Variants in SLC2A9 observed in about 807,000 individuals in gnomAD.
SLC2A9 encodes the protein solute carrier family 2, facilitated glucose transporter member 9.
SLC2A9 carries 39 observed loss-of-function variants against 50.6 expected under a neutral mutation model. That is an observed-to-expected ratio of 0.77 (90% CI 0.60 to 1.01). The LOEUF (loss-of-function observed/expected upper bound fraction) is 1.01, where lower values mean the gene tolerates loss of function less well. Among genes scored for constraint, SLC2A9 ranks in the 50% least tolerant of loss-of-function variants. SLC2A9 has a pLI of 0.00. For missense variants in SLC2A9, 686 were observed against 677.6 expected (o/e 1.01, Z -0.14); for synonymous variants, 324 against 276.9 (o/e 1.17, Z -1.69).
intron 1 of SLC2A9, among the ~76,000 whole-genome samples, chr4:10,032,569 G>T (rs1330873440): frequency 6.6e-6 from 1 of 152,094 alleles, no homozygotes; most frequent in Non-Finnish European, 1.5e-5. Context: ...TGACAAGGTG[G>T]AAGCAGAGAC....
intron 8 of SLC2A9, among the ~76,000 whole-genome samples, chr4:9,900,879 G>C (rs1739474604): frequency 6.6e-6 from 1 of 152,076 alleles, no homozygotes; most frequent in South Asian, 2.1e-4. Flanking sequence ...AACAGCATGA[G>C]GGTAACTGCT....
chr4:9,949,417 G>A (rs1207227369), intron 5 of SLC2A9, among the ~76,000 whole-genome samples: 1 of 152,150 alleles, frequency 6.6e-6, no homozygotes, highest in African/African-American at 2.4e-5. Flanking sequence ...CCTATATGTT[G>A]TCCTATTAGA....
At chr4:10,022,223 T>C (rs959662362), upstream of SLC2A9, among the ~76,000 whole-genome samples, 3 of 152,328 alleles carry the variant, frequency 2.0e-5, no homozygotes, top group East Asian at 1.9e-4. Context: ...AAATGGAATA[T>C]TGACCCCACT....
rs74867314 is a variant in SLC2A9 at position 9,849,715 on chromosome 4, T to C, written c.1292-14707A>G. Among the ~76,000 whole-genome samples the C allele has an allele frequency of 1.8e-4, 28 of 152,242 alleles. No individual in the cohort carries two copies. In the East Asian group the frequency reaches 5.0e-3, roughly 27 times the overall value. On this transcript the variant is annotated intron_variant, in intron 10 of 11. Transcript: ENST00000264784. ...AGCATAATGAGTGTGGACAGTTAATTAGCAGGTAAGAAAACACAATTAAAG... is the reference window on the plus strand; with the variant it reads ...AGCATAATGAGTGTGGACAGTTAATCAGCAGGTAAGAAAACACAATTAAAG...
chr4:9,827,766 C>A (rs1725379892), intron 11 of SLC2A9, among the ~76,000 whole-genome samples: 1 of 152,168 alleles, frequency 6.6e-6, no homozygotes, highest in South Asian at 2.1e-4. Context: ...TGAGACTGTG[C>A]CTTCTGCTCG....
downstream of SLC2A9, among the ~76,000 whole-genome samples, chr4:9,825,798 G>T (rs1433048919): frequency 6.6e-6 from 1 of 152,132 alleles, no homozygotes; most frequent in Non-Finnish European, 1.5e-5. Flanking sequence ...GTTGGTATTA[G>T]GCTCTCCAAA....
rs764744127 is a variant in SLC2A9, at chr4:9,920,475, C to T, written c.912G>A (p.Val304=). The change falls in exon 7 of 12, where the codon GTG becomes GTA. Residue 304 remains valine (V), a synonymous_variant. Transcript: ENST00000264784. ...RVQRSIRLVS[V]LELLRAPYVR... ...CGTAGGGAGCTCTCAGCAGCTCCAG[C>T]ACGGACACCAGGCGGATGCTCCTCT... 6.2e-7 allele frequency: 1 copy of T among 1,614,190 alleles called. No homozygotes were observed. Among genetic ancestry groups the T allele is most frequent in the Non-Finnish European group, 8.5e-7 (1 of 1,180,036 alleles).
intron 3 of SLC2A9, among the ~76,000 whole-genome samples, chr4:9,785,604 C>T (rs1452931645): frequency 6.6e-6 from 1 of 152,164 alleles, no homozygotes; most frequent in Non-Finnish European, 1.5e-5. Flanking sequence ...TAAATGAGTT[C>T]TGTGTTATGG....
chr4:9,878,545 G>A (rs6840999), intron 10 of SLC2A9, among the ~76,000 whole-genome samples: 36,041 of 151,846 alleles, frequency 0.24, 4,675 homozygotes, highest in Admixed American at 0.36. Flanking sequence ...GGGCATGAAA[G>A]CTCCATGCCC....
At chr4:10,026,513 G>A (rs932875858) in intron 1 of SLC2A9, among the ~76,000 whole-genome samples, 2 of 152,052 alleles carry the variant, frequency 1.3e-5, no homozygotes, top group South Asian at 2.1e-4. Context: ...CCACCACATC[G>A]ATGCCCAAGA....
At chr4:9,780,633 T>C (rs1379700120) in intron 3 of SLC2A9, among the ~76,000 whole-genome samples, 5 of 152,222 alleles carry the variant, frequency 3.3e-5, no homozygotes, top group Non-Finnish European at 5.9e-5. Flanking sequence ...GCCGGAGCTA[T>C]GCAGCTGGCT....
rs1000593602 is a variant in SLC2A9 at position 9,941,804 on chromosome 4, G to A, written c.814+109C>T. The A allele has an allele frequency of 5.3e-6, 8 of 1,501,490 alleles. No homozygotes were observed. In the Admixed American group the frequency reaches 7.3e-5, roughly 14 times the overall value. The allele number at this position is 1,501,490 out of a possible 1,614,324, so 93.0% of individuals were successfully genotyped here. A position where few individuals can be genotyped will look rare whatever the true frequency, so the allele number is the denominator to read the frequency against. The stretch of plus-strand genomic sequence containing the variant: ...TACCCAGCCCAGTGCCTGCAAAAAG[G>A]AACAATGACAACACCCCTTCCTGTG... On this transcript the variant is annotated intron_variant, in intron 6 of 11. Transcript: ENST00000264784.
At chr4:9,890,939 A>G (rs1737289568) in intron 8 of SLC2A9, among the ~76,000 whole-genome samples, 1 of 152,224 alleles carries the variant, frequency 6.6e-6, no homozygotes, top group Non-Finnish European at 1.5e-5. Flanking sequence ...AGCATTAATA[A>G]CGAGCACTCT....
downstream of SLC2A9, among the ~76,000 whole-genome samples, chr4:9,825,206 C>T (rs938366993): frequency 6.6e-6 from 1 of 152,188 alleles, no homozygotes. Flanking sequence ...TATAGGAAAT[C>T]GCCCAAACCA....
intron 5 of SLC2A9, among the ~76,000 whole-genome samples, chr4:9,946,334 T>C (rs772452642): frequency 3.3e-5 from 5 of 152,206 alleles, no homozygotes; most frequent in East Asian, 1.9e-4. Flanking sequence ...ACTACTTTAG[T>C]CCATAAATAA....
chr4:9,790,466 G>A (rs986507071), intron 3 of SLC2A9, among the ~76,000 whole-genome samples: 3 of 152,150 alleles, frequency 2.0e-5, no homozygotes, highest in Non-Finnish European at 4.4e-5. Flanking sequence ...TAACACATAT[G>A]CCCTCATTCA....
intron 5 of SLC2A9, among the ~76,000 whole-genome samples, chr4:9,944,831 T>A (rs1748819838): frequency 6.6e-6 from 1 of 152,204 alleles, no homozygotes; most frequent in African/African-American, 2.4e-5. Flanking sequence ...ATTATTCCCC[T>A]CACCTTCTAC....
rs759484965 is a variant in SLC2A9 at position 9,890,627 on chromosome 4, T to C, written c.1198A>G (p.Ile400Val). 5 of 1,613,998 alleles carry C rather than the reference T, an allele frequency of 3.1e-6. No homozygotes were observed. In the African/African-American group the frequency reaches 4.0e-5, roughly 13 times the overall value. The change falls in exon 9 of 12, where the codon ATC becomes GTC. Residue 400 changes from isoleucine (I) to valine (V), a missense_variant. By Grantham distance (29) the Ile-to-Val change is conservative (BLOSUM62 3). Transcript: ENST00000264784. ...LMGLFFGTLT[I>V]TLTLQDHAPW... ...CGTCTCACCTGCAGGGTCAGCGTGA[T>C]GGTGAGGGTCCCAAAGAAGAGGCCC...
At chr4:9,783,425 G>A in intron 3 of SLC2A9, 2 of 1,613,590 alleles carry the variant, frequency 1.2e-6, no homozygotes, top group East Asian at 2.2e-5. Context: ...GATTTCTTTA[G>A]ACAAAATAAC....
Sources: allele counts gnomAD v4.1 joint callset (sites outside exome capture counted in the v4.1 genomes callset), GRCh38; gene constraint gnomAD v4.1.1; transcripts MANE v1.5; gene names NCBI Gene and HGNC (gene_info 2026-07-23, HGNC 2026-07-21).